AMT: variants seen among roughly 807,000 people sequenced by gnomAD.
AMT encodes the protein aminomethyltransferase, mitochondrial.
Under a neutral mutation model 39.5 loss-of-function variants are expected in AMT, and 24 were observed. That is an observed-to-expected ratio of 0.61 (90% CI 0.44 to 0.86). The LOEUF (loss-of-function observed/expected upper bound fraction) is 0.86. Among genes scored for constraint, AMT ranks in the 40% least tolerant of loss-of-function variants. The pLI is 0.00. For missense variants in AMT, 501 were observed against 537.0 expected (o/e 0.93, Z 0.66); for synonymous variants, 210 against 212.1 (o/e 0.99, Z 0.09).
At chr3:49,421,052 G>A (rs764534461) in intron 3 of AMT, 10 of 269,272 alleles carry the variant, frequency 3.7e-5, no homozygotes, top group Non-Finnish European at 6.6e-5. Flanking sequence ...CTACAAGCAC[G>A]CGCCACCACG....
chr3:49,417,451 C>G lies in AMT; in HGVS notation c.*89G>C, dbSNP rs774156542. On this transcript the variant is annotated 3_prime_UTR_variant, in exon 9 of 9. Transcript: ENST00000273588. The stretch of plus-strand genomic sequence containing the variant: ...TAGAATCAGCCTCCACCTTAACTGC[C>G]CACCCCCAGTGAGTTCTGCCTCAGC... The G allele has an allele frequency of 6.2e-7, 1 of 1,613,694 alleles. No individual in the cohort carries two copies. Among genetic ancestry groups the G allele is most frequent in the South Asian group, 1.1e-5 (1 of 91,072 alleles).
chr3:49,418,571 G>A (rs761701157), intron 7 of AMT: 22 of 172,374 alleles, frequency 1.3e-4, no homozygotes, highest in Admixed American at 7.2e-4. Flanking sequence ...GCGCAATCTC[G>A]GCTCACTGCA....
At chr3:49,420,415 T>C in intron 3 of AMT, 73 bp from the exon 4 acceptor site, 1 of 1,609,812 alleles carries the variant, frequency 6.2e-7, no homozygotes, top group Non-Finnish European at 8.5e-7. Flanking sequence ...GACACAACCC[T>C]GGACCCACTT....
chr3:49,421,848 G>A, intron 2 of AMT: 1 of 695,368 alleles, frequency 1.4e-6, no homozygotes. Flanking sequence ...ATACATGAGA[G>A]TGGGTGTCAG....
intron 7 of AMT, chr3:49,418,666 T>TC (rs1287411352): frequency 1.8e-5 from 6 of 334,002 alleles, no homozygotes; most frequent in Non-Finnish European, 3.4e-5. Flanking sequence ...AATGCCCAGC[T>TC]AATTTTTTTT....
chr3:49,418,242 G>A, intron 7 of AMT: 1 of 495,208 alleles, frequency 2.0e-6, no homozygotes. Context: ...GAATGCAGTG[G>A]CACGATCTCA....
In AMT at chr3:49,422,432, CACTT is replaced by C. The variant is rs1553638904; in HGVS notation, c.15_18del (p.Ser6TrpfsTer89). The C allele has an allele frequency of 2.5e-6, 4 of 1,613,434 alleles. No individual in the cohort carries two copies. Among genetic ancestry groups the C allele is most frequent in the Admixed American group, 1.7e-5 (1 of 59,982 alleles). Reference sequence around the variant, plus strand: ...AGGCGAAAGCCCAGACGGGCCACCACACTTACAGCCCTCTGCATCGTCGCCTGCA... The same window carrying C: ...AGGCGAAAGCCCAGACGGGCCACCACACAGCCCTCTGCATCGTCGCCTGCA... On this transcript the variant is annotated frameshift_variant, in exon 1 of 9. Transcript: ENST00000273588. LOFTEE classifies it high-confidence loss of function.
chr3:49,420,182 A>G, intron 4 of AMT, 29 bp downstream of exon 4: 1 of 1,614,120 alleles, frequency 6.2e-7, no homozygotes, highest in Non-Finnish European at 8.5e-7. Context: ...CAAGGAAGAC[A>G]AGGTGTCTAG....
chr3:49,418,823 TG>T, intron 7 of AMT, 147 bp downstream of exon 7: 2 of 863,010 alleles, frequency 2.3e-6, no homozygotes, highest in Non-Finnish European at 3.8e-6. Flanking sequence ...CAGTTTCTAA[TG>T]GGCAAAGGCA....
chr3:49,417,515 G>T lies in AMT; in HGVS notation c.*25C>A. The T allele has an allele frequency of 6.2e-7, 1 of 1,614,180 alleles. No individual in the cohort carries two copies. Among genetic ancestry groups the T allele is most frequent in the South Asian group, 1.1e-5 (1 of 91,080 alleles). On this transcript the variant is annotated 3_prime_UTR_variant, in exon 9 of 9. Coordinates refer to ENST00000273588, the MANE Select transcript of AMT (RefSeq NM_000481.4). ...CCTTGTAGGGGCAAAACTCCTGGAAGGGACAGCCCCACCCTGAGCCAGCTT... is the reference window on the plus strand; with the variant it reads ...CCTTGTAGGGGCAAAACTCCTGGAATGGACAGCCCCACCCTGAGCCAGCTT...
At chr3:49,420,923 A>T in intron 3 of AMT, 1 of 205,260 alleles carries the variant, frequency 4.9e-6, no homozygotes, top group Non-Finnish European at 1.0e-5. Flanking sequence ...GCTGGTTTAG[A>T]GACCACACTT....
chr3:49,418,800 C>T lies in AMT; in HGVS notation c.877+171G>A, dbSNP rs534470451. On this transcript the variant is annotated intron_variant, in intron 7 of 8. Coordinates refer to ENST00000273588, the MANE Select transcript of AMT (RefSeq NM_000481.4). ...GATTACAGATGTGAGCCACCGCATC[C>T]GGCCAACATCTGCAGTTTCTAATGG... 66 of 730,240 alleles carry T rather than the reference C, an allele frequency of 9.0e-5. 1 individual carries two copies. The highest frequency in any genetic ancestry group is 8.5e-4 in the African/African-American group (49 of 57,480). 45.2% of individuals were successfully genotyped at this position (730,240 alleles called of 1,614,324 possible).
chr3:49,417,718 C>T lies in AMT; in HGVS notation c.1034G>A (p.Gly345Asp). 5 of 1,613,988 alleles carry T rather than the reference C, an allele frequency of 3.1e-6. No individual in the cohort carries two copies. Among genetic ancestry groups the T allele is most frequent in the Non-Finnish European group, 4.2e-6 (5 of 1,180,034 alleles). The part of the protein sequence containing the change: ...PILNMEGTKI[G>D]TVTSGCPSPS... Reference sequence around the variant, plus strand: ...GGAGGGGCAGCCACTAGTCACAGTACCTGTCAAGCAAGCATAAGCCACGCA... The same window carrying T: ...GGAGGGGCAGCCACTAGTCACAGTATCTGTCAAGCAAGCATAAGCCACGCA... Residue 345 changes from glycine to aspartate, a missense_variant and splice_region_variant, in exon 9 of 9, where the codon GGT becomes GAT. Physicochemically the swap from Gly to Asp is moderately conservative, Grantham distance 94. Transcript: ENST00000273588.
chr3:49,419,624 A>T, intron 5 of AMT, 86 bp downstream of exon 5: 1 of 1,489,972 alleles, frequency 6.7e-7, no homozygotes, highest in Non-Finnish European at 9.4e-7. Context: ...CCTTCCACAC[A>T]TTCTTCTTGG....
chr3:49,417,251 C>T lies in AMT; in HGVS notation c.*289G>A. The T allele has an allele frequency of 6.3e-7, 1 of 1,590,570 alleles. No homozygotes were observed. The highest frequency in any genetic ancestry group is 8.5e-7 in the Non-Finnish European group (1 of 1,172,022). On this transcript the variant is annotated 3_prime_UTR_variant, in exon 9 of 9. Transcript: ENST00000273588. ...GCACCTGGCAGAGTGGGAGAGATGG[C>T]AGAACCAAAGCTTCTCATTACCCTC...
rs2049022958 is a variant in AMT, at chr3:49,417,721, G to A, written c.1034-3C>T. ...GGGGCAGCCACTAGTCACAGTACCTGTCAAGCAAGCATAAGCCACGCATCA... is the reference window on the plus strand; with the variant it reads ...GGGGCAGCCACTAGTCACAGTACCTATCAAGCAAGCATAAGCCACGCATCA... On this transcript the variant is annotated splice_polypyrimidine_tract_variant and splice_region_variant and intron_variant, in intron 8 of 8. Transcript: ENST00000273588. 1 of 1,613,952 alleles carries A rather than the reference G, an allele frequency of 6.2e-7. No homozygotes were observed. The highest frequency in any genetic ancestry group is 8.5e-7 in the Non-Finnish European group (1 of 1,180,030).
At position 49,419,785 on chromosome 3, in the gene AMT, T is replaced by C. The variant is rs1341875631; in HGVS notation, c.475A>G (p.Lys159Glu). The C allele has an allele frequency of 6.2e-7, 1 of 1,614,078 alleles. No individual in the cohort carries two copies. The highest frequency in any genetic ancestry group is 1.1e-5 in the South Asian group (1 of 91,086). The change falls in exon 5 of 9, where the codon AAG (lysine) becomes GAG (glutamate). Residue 159 changes from lysine to glutamate, a missense_variant. Coordinates refer to ENST00000273588, the MANE Select transcript of AMT (RefSeq NM_000481.4). ...CCCTGGTTCTGAAGCTCCCTGACCT[T>C]GTCCTAAAAGACAGAAACACAAGAG... ...WEKDLALMQD[K>E]VRELQNQGRD...
intron 7 of AMT, 93 bp downstream of exon 7, chr3:49,418,878 T>C: frequency 7.2e-7 from 1 of 1,394,434 alleles, no homozygotes; most frequent in South Asian, 1.2e-5. Flanking sequence ...GGCTTCAGGC[T>C]ACATAACCTT....
Position 49,417,382 on chromosome 3 carries a change from G to A in AMT, c.*158C>T. ...CCTGAAGGAAGCTGGAATGGCATGA[G>A]TTAGGTGGGGGGAATAGGTGGTGTG... On this transcript the variant is annotated 3_prime_UTR_variant, in exon 9 of 9. Coordinates refer to ENST00000273588, the MANE Select transcript of AMT (RefSeq NM_000481.4). 6.2e-7 allele frequency: 1 copy of A among 1,603,870 alleles called. No individual in the cohort carries two copies. Among genetic ancestry groups the A allele is most frequent in the Non-Finnish European group, 8.5e-7 (1 of 1,178,364 alleles).
Sources: gnomAD v4.1 joint callset for allele counts on GRCh38, gnomAD v4.1.1 for gene constraint, MANE v1.5 for transcripts, NCBI Gene and HGNC (gene_info 2026-07-23, HGNC 2026-07-21) for gene names.